The following EPN1 variants were observed in gnomAD, a reference collection of about 807,000 sequenced individuals.
EPN1 encodes epsin-1.
EPN1 carries 25 observed loss-of-function variants against 56.9 expected under a neutral mutation model. That is an observed-to-expected ratio of 0.44 (90% CI 0.32 to 0.61). The LOEUF (loss-of-function observed/expected upper bound fraction) is 0.61, where lower values mean the gene tolerates loss of function less well. Among genes scored for constraint, EPN1 ranks in the 20% least tolerant of loss-of-function variants. The pLI is 0.05. For missense variants in EPN1, 785 were observed against 823.7 expected (o/e 0.95, Z 0.58); for synonymous variants, 411 against 361.8 (o/e 1.14, Z -1.54).
intron 2 of EPN1, among the ~76,000 whole-genome samples, chr19:55,681,936 A>C (rs1257345974): frequency 1.3e-5 from 2 of 152,088 alleles, no homozygotes; most frequent in Admixed American, 6.6e-5. Flanking sequence ...CTGGGACCAC[A>C]GGCACACACC....
chr19:55,706,022 A>G lies in EPN1; in HGVS notation c.*10666A>G, dbSNP rs1300487548. On this transcript the variant is annotated 3_prime_UTR_variant, in exon 11 of 11. Transcript: ENST00000270460. ...GAGGTCTGCATAGCAGTTACAAAGA[A>G]GGCCTTATTATCTGGAAGAAAAGGG... 2 of 178,064 alleles carry G rather than the reference A, an allele frequency of 1.1e-5. No individual in the cohort carries two copies. Among genetic ancestry groups the G allele is most frequent in the Non-Finnish European group, 2.4e-5 (2 of 84,312 alleles). 11.0% of individuals were successfully genotyped at this position (178,064 alleles called of 1,614,324 possible). A position where few individuals can be genotyped will look rare whatever the true frequency, so the allele number is the denominator to read the frequency against.
chr19:55,689,235 C>A lies in EPN1; in HGVS notation c.604-62C>A. The A allele has an allele frequency of 1.5e-6, 2 of 1,304,994 alleles. No individual in the cohort carries two copies. Among genetic ancestry groups the A allele is most frequent in the Non-Finnish European group, 2.2e-6 (2 of 924,296 alleles). The allele number at this position is 1,304,994 out of a possible 1,614,324, so 80.8% of individuals were successfully genotyped here. A position where few individuals can be genotyped will look rare whatever the true frequency, so the allele number is the denominator to read the frequency against. ...TTTCTTCGGCTCTATCTGACCCTGG[C>A]TCTGCCTCTGACTCTGCCTCTGGCC... On this transcript the variant is annotated intron_variant, in intron 4 of 10. Coordinates refer to ENST00000270460, the MANE Select transcript of EPN1 (RefSeq NM_001130072.2). The surrounding 1 kb of genome is among the most constrained non-coding windows in gnomAD (Gnocchi z 5.7).
intron 3 of EPN1, 110 bp from the exon 4 acceptor site, chr19:55,688,760 G>A: frequency 1.4e-6 from 2 of 1,471,496 alleles, no homozygotes; most frequent in Non-Finnish European, 1.8e-6. Flanking sequence ...GTAGGGTGGG[G>A]GACTTGGGGG....
rs1986353080 is a variant in EPN1, at chr19:55,688,989, G to A, written c.598G>A (p.Asp200Asn). The A allele has an allele frequency of 5.6e-6, 9 of 1,599,464 alleles. No homozygotes were observed. Among genetic ancestry groups the A allele is most frequent in the East Asian group, 2.2e-5 (1 of 44,598 alleles). The stretch of plus-strand genomic sequence containing the variant: ...CCTGGCCATGAGCAAGGAGGAGGCC[G>A]ACCAGGTACTGGGCGTGCAGCTGGG... Reference protein sequence around the residue: ...LALAMSKEEADQPPSCGPEDD... With the variant: ...LALAMSKEEANQPPSCGPEDD... Residue 200 changes from aspartate to asparagine, a missense_variant, in exon 4 of 11, where the codon GAC (aspartate) becomes AAC (asparagine). Asp to Asn is a conservative substitution (Grantham distance 23). Transcript: ENST00000270460.
At chr19:55,678,240 G>A (rs1466903553) in intron 1 of EPN1, among the ~76,000 whole-genome samples, 1 of 152,216 alleles carries the variant, frequency 6.6e-6, no homozygotes, top group African/African-American at 2.4e-5. Context: ...AGAAAGCTGA[G>A]GTGCAAAAGA....
intron 2 of EPN1, among the ~76,000 whole-genome samples, chr19:55,679,465 C>T (rs974390925): frequency 2.0e-5 from 3 of 152,198 alleles, no homozygotes; most frequent in East Asian, 1.9e-4. Flanking sequence ...CCCATGGAGC[C>T]GATTCACGTC....
At chr19:55,679,681 C>T (rs1157374821) in intron 2 of EPN1, among the ~76,000 whole-genome samples, 1 of 152,224 alleles carries the variant, frequency 6.6e-6, no homozygotes, top group Non-Finnish European at 1.5e-5. Flanking sequence ...TGGTTCCCTC[C>T]ACTCACAGAT....
chr19:55,700,774 A>T lies in EPN1; in HGVS notation c.*5418A>T, dbSNP rs572533434. Reference sequence around the variant, plus strand: ...GTAATCGTTGTGTGTTACTGTCAAAAGGTATAACTCATGCATTGATGGGGG... The same window carrying T: ...GTAATCGTTGTGTGTTACTGTCAAATGGTATAACTCATGCATTGATGGGGG... On this transcript the variant is annotated 3_prime_UTR_variant, in exon 11 of 11. Coordinates refer to ENST00000270460, the MANE Select transcript of EPN1 (RefSeq NM_001130072.2). The T allele has an allele frequency of 1.3e-5, 2 of 152,394 alleles. No individual in the cohort carries two copies. Among genetic ancestry groups the T allele is most frequent in the East Asian group, 3.9e-4 (2 of 5,194 alleles). The allele number at this position is 152,394 out of a possible 1,614,324, so 9.4% of individuals were successfully genotyped here. A position where few individuals can be genotyped will look rare whatever the true frequency, so the allele number is the denominator to read the frequency against.
chr19:55,704,503 G>A lies in EPN1; in HGVS notation c.*9147G>A, dbSNP rs1220773971. The A allele has an allele frequency of 6.6e-6, 1 of 152,264 alleles. No homozygotes were observed. 9.4% of individuals were successfully genotyped at this position (152,264 alleles called of 1,614,324 possible). ...GCCAAGGAGAGAGGCCTTGGCGGAA[G>A]CCAACCCTGCAGCACCTTCATCTTG... On this transcript the variant is annotated 3_prime_UTR_variant, in exon 11 of 11. Transcript: ENST00000270460.
At chr19:55,680,592 A>G (rs1426019158) in intron 2 of EPN1, 1 of 152,300 alleles carries the variant, frequency 6.6e-6, no homozygotes, top group African/African-American at 2.4e-5. Context: ...CCTGCTGGAC[A>G]CTGTCCTGAG....
rs776567610 is a variant in EPN1 at position 55,694,745 on chromosome 19, A to C, written c.1284A>C (p.Ala428=). 3 of 1,579,728 alleles carry C rather than the reference A, an allele frequency of 1.9e-6. No individual in the cohort carries two copies. In the African/African-American group the frequency reaches 4.0e-5, roughly 21 times the overall value. The change falls in exon 10 of 11, where the codon GCA becomes GCC. Residue 428 remains alanine (A), a synonymous_variant. Transcript: ENST00000270460. This position sits in a 1 kb window ranked among gnomAD's most constrained non-coding sequence, Gnocchi z 4.2. The stretch of plus-strand genomic sequence containing the variant: ...TTCCAGGAGAGCTGGAGCTGCTGGC[A>C]GGAGAGGTGCCGGCCCGAAGCCCTG... The part of the protein sequence containing the change: ...GSSAGELELL[A]GEVPARSPGA...
chr19:55,693,938 A>G (rs1428436593), intron 9 of EPN1, among the ~76,000 whole-genome samples: 1 of 152,182 alleles, frequency 6.6e-6, no homozygotes, highest in Admixed American at 6.5e-5. Flanking sequence ...AAATCAGGCC[A>G]GGCGCAATGG....
At position 55,694,997 on chromosome 19, in the gene EPN1, C is replaced by T. The variant is rs1041840879; in HGVS notation, c.1522+14C>T. On this transcript the variant is annotated intron_variant, in intron 10 of 10. Transcript: ENST00000270460. The surrounding 1 kb of genome is among the most constrained non-coding windows in gnomAD (Gnocchi z 4.2). The stretch of plus-strand genomic sequence containing the variant: ...TCCTGCCAGGCGGTGAGTGTGGGCC[C>T]ATCACCTGCTCAAGTCCTTCCTGTG... 2.6e-6 allele frequency: 4 copies of T among 1,558,340 alleles called. No individual in the cohort carries two copies. Among genetic ancestry groups the T allele is most frequent in the Middle Eastern group, 1.7e-4 (1 of 5,768 alleles).
chr19:55,704,968 C>G lies in EPN1; in HGVS notation c.*9612C>G, dbSNP rs568963813. 2 of 152,432 alleles carry G rather than the reference C, an allele frequency of 1.3e-5. No homozygotes were observed. The highest frequency in any genetic ancestry group is 4.1e-4 in the South Asian group (2 of 4,832). 9.4% of individuals were successfully genotyped at this position (152,432 alleles called of 1,614,324 possible). The stretch of plus-strand genomic sequence containing the variant: ...GTTCTCATCCACTTCCCAAGCATCT[C>G]TGGCTGAATGCTGTTCTACACATGC... On this transcript the variant is annotated 3_prime_UTR_variant, in exon 11 of 11. Transcript: ENST00000270460.
chr19:55,691,769 C>T lies in EPN1; in HGVS notation c.778C>T (p.Leu260Phe). ...GGKEESSLMD[L>F]ADVFTAPAPA... ...TCCCCCACAGTCGTCCCTCATGGACCTTGCTGACGTCTTCACGGCCCCAGC... is the reference window on the plus strand; with the variant it reads ...TCCCCCACAGTCGTCCCTCATGGACTTTGCTGACGTCTTCACGGCCCCAGC... The change falls in exon 7 of 11, where the codon CTT becomes TTT. Residue 260 changes from leucine (L) to phenylalanine (F), a missense_variant. This residue lies in a region of EPN1 where 650 missense variants were observed against 605.0 expected (regional missense o/e 1.07). Coordinates refer to ENST00000270460, the MANE Select transcript of EPN1 (RefSeq NM_001130072.2). This position sits in a 1 kb window ranked among gnomAD's most constrained non-coding sequence, Gnocchi z 5.6. 1 of 1,612,752 alleles carries T rather than the reference C, an allele frequency of 6.2e-7. No homozygotes were observed. Among genetic ancestry groups the T allele is most frequent in the Non-Finnish European group, 8.5e-7 (1 of 1,179,308 alleles).
chr19:55,707,483 A>G lies in EPN1; in HGVS notation c.*12127A>G, dbSNP rs1987482216. The G allele has an allele frequency of 6.5e-6, 1 of 152,696 alleles. No individual in the cohort carries two copies. The highest frequency in any genetic ancestry group is 2.4e-5 in the African/African-American group (1 of 41,460). 9.5% of individuals were successfully genotyped at this position (152,696 alleles called of 1,614,324 possible). ...TGTCTCTATTTCGGGTAAAGGAAAG[A>G]CCAAAATAACTTTCCAAGATGAAAA... is the stretch of plus-strand genomic sequence containing the variant. On this transcript the variant is annotated 3_prime_UTR_variant, in exon 11 of 11. Coordinates refer to ENST00000270460, the MANE Select transcript of EPN1 (RefSeq NM_001130072.2).
At position 55,691,755 on chromosome 19, in the gene EPN1, C is replaced by T. The variant is rs758498520; in HGVS notation, c.764C>T (p.Ser255Leu). Residue 255 changes from serine to leucine, a missense_variant and splice_region_variant, in exon 7 of 11, where the codon TCG (serine) becomes TTG (leucine). Physicochemically the swap from Ser to Leu is moderately radical, Grantham distance 145. This residue lies in a region of EPN1 where 650 missense variants were observed against 605.0 expected (regional missense o/e 1.07). Coordinates refer to ENST00000270460, the MANE Select transcript of EPN1 (RefSeq NM_001130072.2). The surrounding 1 kb of genome is among the most constrained non-coding windows in gnomAD (Gnocchi z 5.6). ...SKRETGGKEE[S>L]SLMDLADVFT... ...CCTTCTCTTCTCTCTCCCCCACAGT[C>T]GTCCCTCATGGACCTTGCTGACGTC... 1.3e-5 allele frequency: 21 copies of T among 1,610,482 alleles called. No individual in the cohort carries two copies. Among genetic ancestry groups the T allele is most frequent in the Middle Eastern group, 1.6e-4 (1 of 6,066 alleles).
intron 1 of EPN1, chr19:55,677,651 T>C: frequency 1.3e-6 from 2 of 1,551,646 alleles, no homozygotes; most frequent in Non-Finnish European, 1.7e-6. Flanking sequence ...GCTGTTAGGT[T>C]CCTTATCTCT....
In EPN1 at chr19:55,685,605, C is replaced by T. The variant is rs753102173; in HGVS notation, c.438C>T (p.His146=). The T allele has an allele frequency of 1.2e-5, 20 of 1,603,782 alleles. No homozygotes were observed. Among genetic ancestry groups the T allele is most frequent in the Middle Eastern group, 1.6e-4 (1 of 6,070 alleles). The change falls in exon 3 of 11, where the codon CAC becomes CAT. Residue 146 remains histidine, a synonymous_variant. Coordinates refer to ENST00000270460, the MANE Select transcript of EPN1 (RefSeq NM_001130072.2). ...DEDRLREERA[H]ALKTKEKLAQ... is the part of the protein sequence containing the mutation. ...ACCGGCTGCGGGAAGAGCGGGCGCACGCGCTCAAGACCAAGGAAAAGCTGG... is the reference window on the plus strand; with the variant it reads ...ACCGGCTGCGGGAAGAGCGGGCGCATGCGCTCAAGACCAAGGAAAAGCTGG...
Sources: gnomAD v4.1 joint callset for allele counts (sites outside exome capture counted in the v4.1 genomes callset) on GRCh38, gnomAD v4.1.1 for gene constraint, gnomAD v4.1.1 regional missense constraint, Gnocchi (gnomAD v3.1) non-coding constraint, MANE v1.5 for transcripts, NCBI Gene and HGNC (gene_info 2026-07-23, HGNC 2026-07-21) for gene names.